The following THEMIS variants were observed in gnomAD, a reference collection of about 807,000 sequenced individuals.
THEMIS encodes thymocyte selection associated.
In THEMIS, 37 loss-of-function variants were observed where a neutral mutation model predicts 52.6. The observed-to-expected ratio is 0.70, with a 90% CI of 0.54 to 0.93. The LOEUF (loss-of-function observed/expected upper bound fraction) is 0.93. Ranked by LOEUF, THEMIS falls within the 40% of genes least tolerant of loss-of-function variation. THEMIS has a pLI of 0.00. For synonymous variants in THEMIS, 292 were observed against 272.7 expected, an observed-to-expected ratio of 1.07 and a Z score of -0.70; for missense variants, 808 against 763.1, an observed-to-expected ratio of 1.06 and a Z score of -0.69.
At chr6:127,901,151 C>A (rs1386149536), upstream of THEMIS, 1 of 571,126 alleles carries the variant, frequency 1.8e-6, no homozygotes. Context: ...TCTTTTTGTT[C>A]ACATTGTGGC....
chr6:127,868,498 T>C (rs1780053878), intron 1 of THEMIS: 1 of 985,348 alleles, frequency 1.0e-6, no homozygotes, highest in Middle Eastern at 5.2e-4. Context: ...TGAACTCTGG[T>C]GTGCCACAAA....
At position 127,813,542 on chromosome 6, in the gene THEMIS, C is replaced by A. The variant is rs763925728; in HGVS notation, c.1099G>T (p.Val367Leu). The A allele has an allele frequency of 5.9e-5, 95 of 1,613,186 alleles. No individual in the cohort carries two copies. In the Admixed American group the frequency reaches 1.5e-3, roughly 25 times the overall value. The change falls in exon 4 of 6, where the codon GTG becomes TTG. Residue 367 changes from valine to leucine, a missense_variant. Physicochemically the swap from Val to Leu is conservative, Grantham distance 32 (BLOSUM62 1). Coordinates refer to ENST00000368248, the MANE Select transcript of THEMIS (RefSeq NM_001010923.3). ...GAATGAAACGCTTTGGTGGCCACCACGTGAAGAGGCTCCTTTTCACTCTTA... is the reference window on the plus strand; with the variant it reads ...GAATGAAACGCTTTGGTGGCCACCAAGTGAAGAGGCTCCTTTTCACTCTTA... ...IAKSEKEPLHVVATKAFHSPH... is the reference protein window; with the variant it reads ...IAKSEKEPLHLVATKAFHSPH...
At chr6:127,725,451 T>A (rs989278890) in intron 4 of THEMIS, among the ~76,000 whole-genome samples, 2 of 151,672 alleles carry the variant, frequency 1.3e-5, no homozygotes, top group Non-Finnish European at 2.9e-5. Context: ...TGTGTGTGTC[T>A]GTGTGTGTGT....
chr6:127,901,064 G>T, upstream of THEMIS: 1 of 713,966 alleles, frequency 1.4e-6, no homozygotes. Context: ...ACTACAGCCA[G>T]AGTGGGGTGG....
In THEMIS at chr6:127,708,275, A is replaced by G. The variant is rs1005662451; in HGVS notation, c.*1710T>C. ...CATGAAGTTTATTACACTTTTCAAT[A>G]TCAAGACAACTGGAAACACAGTATG... On this transcript the variant is annotated 3_prime_UTR_variant, in exon 6 of 6. Transcript: ENST00000368248. The G allele has an allele frequency of 6.6e-6, 1 of 152,128 alleles. No homozygotes were observed. Among genetic ancestry groups the G allele is most frequent in the South Asian group, 2.1e-4 (1 of 4,826 alleles). 9.4% of individuals were successfully genotyped at this position (152,128 alleles called of 1,614,324 possible).
intron 1 of THEMIS, among the ~76,000 whole-genome samples, chr6:127,874,223 A>G (rs1780245989): frequency 6.6e-6 from 1 of 152,180 alleles, no homozygotes; most frequent in Non-Finnish European, 1.5e-5. Flanking sequence ...CCAACACTTG[A>G]GCTCATCACA....
chr6:127,793,817 C>G (rs1453555331), intron 4 of THEMIS, among the ~76,000 whole-genome samples: 1 of 152,110 alleles, frequency 6.6e-6, no homozygotes, highest in Non-Finnish European at 1.5e-5. Flanking sequence ...TTACTCTAAC[C>G]TCATTTTATA....
At chr6:127,901,979 T>C (rs1269181829), upstream of THEMIS, among the ~76,000 whole-genome samples, 1 of 151,970 alleles carries the variant, frequency 6.6e-6, no homozygotes, top group Non-Finnish European at 1.5e-5. Flanking sequence ...ATATTTAAAA[T>C]ATATACAATT....
At chr6:127,775,882 T>C (rs1305784153) in intron 4 of THEMIS, among the ~76,000 whole-genome samples, 1 of 152,184 alleles carries the variant, frequency 6.6e-6, no homozygotes. Flanking sequence ...TTTTTTAGTG[T>C]ATTACAAATA....
At chr6:127,907,337 A>ATTTTTTTTTTTCTTTTTT (rs1781298253) in intron 1 of THEMIS, among the ~76,000 whole-genome samples, 1 of 49,448 alleles carries the variant, frequency 2.0e-5, no homozygotes, top group Admixed American at 2.8e-4. Context: ...TTAGGCTCGG[A>ATTTTTTTTTTTCTTTTTT]TTTTTTTTTT....
chr6:127,808,844 T>C (rs1350776607), intron 4 of THEMIS, among the ~76,000 whole-genome samples: 1 of 152,230 alleles, frequency 6.6e-6, no homozygotes, highest in Non-Finnish European at 1.5e-5. Flanking sequence ...CTATTTCTCC[T>C]AGTTCCTGTA....
intron 1 of THEMIS, among the ~76,000 whole-genome samples, chr6:127,898,472 G>C (rs559398555): frequency 6.6e-6 from 1 of 151,674 alleles, no homozygotes; most frequent in Admixed American, 6.6e-5. Context: ...AGTTAAAATA[G>C]CTTTTATCAA....
At chr6:127,879,991 T>G (rs1468093591) in intron 1 of THEMIS, among the ~76,000 whole-genome samples, 1 of 152,204 alleles carries the variant, frequency 6.6e-6, no homozygotes, top group Non-Finnish European at 1.5e-5. Context: ...GTTACAGCCA[T>G]GCCGTTTTCC....
intron 4 of THEMIS, among the ~76,000 whole-genome samples, chr6:127,802,715 T>C (rs1238921497): frequency 2.0e-5 from 3 of 152,154 alleles, no homozygotes; most frequent in Non-Finnish European, 4.4e-5. Flanking sequence ...CCAGAACCCC[T>C]TGAATGAAGG....
At chr6:127,782,017 G>A (rs1174163059) in intron 4 of THEMIS, among the ~76,000 whole-genome samples, 6 of 152,170 alleles carry the variant, frequency 3.9e-5, no homozygotes, top group African/African-American at 1.4e-4. Context: ...TATAGAGGCA[G>A]TCTGGCTACA....
At chr6:127,703,053 T>TG in the THEMIS span, among the ~76,000 whole-genome samples, 1 of 120,302 alleles carries the variant, frequency 8.3e-6, no homozygotes, top group Non-Finnish European at 1.8e-5. Flanking sequence ...TTTTTTTTTT[T>TG]TTTTTTTTTT....
chr6:127,881,287 A>T (rs1780477937), intron 1 of THEMIS, among the ~76,000 whole-genome samples: 1 of 152,048 alleles, frequency 6.6e-6, no homozygotes, highest in Admixed American at 6.5e-5. Context: ...GTACTTGTTA[A>T]AAATGAATTT....
chr6:127,856,134 A>G (rs1779610672), intron 1 of THEMIS, among the ~76,000 whole-genome samples: 1 of 151,938 alleles, frequency 6.6e-6, no homozygotes, highest in African/African-American at 2.4e-5. Context: ...GCCATACTAC[A>G]TGTGAAGTAT....
intron 1 of THEMIS, among the ~76,000 whole-genome samples, chr6:127,906,819 G>A (rs1344712171): frequency 6.6e-6 from 1 of 151,750 alleles, no homozygotes; most frequent in East Asian, 1.9e-4. Context: ...TCTATCCCAA[G>A]AGAAGTATTG....
Sources: allele counts gnomAD v4.1 joint callset (sites outside exome capture counted in the v4.1 genomes callset), GRCh38; gene constraint gnomAD v4.1.1; transcripts MANE v1.5; gene names NCBI Gene and HGNC (gene_info 2026-07-23, HGNC 2026-07-21).